MYO9A: variants seen among roughly 807,000 people sequenced by gnomAD.
MYO9A encodes the protein unconventional myosin-IXa.
A neutral mutation model predicts 293.3 loss-of-function variants in MYO9A; 103 were observed. The ratio of observed to expected loss-of-function variants is 0.35; its 90% CI spans 0.30 to 0.41. The LOEUF (loss-of-function observed/expected upper bound fraction) is 0.41. Among genes scored for constraint, MYO9A ranks in the 10% least tolerant of loss-of-function variants. The pLI, the probability that MYO9A is intolerant of heterozygous loss-of-function variation, is 1.00. For synonymous variants in MYO9A, 1,001 were observed against 1,035.7 expected, an observed-to-expected ratio of 0.97 and a Z score of 0.64; for missense variants, 2,685 against 3,033.0, an observed-to-expected ratio of 0.89 and a Z score of 2.69.
intron 39 of MYO9A, among the ~76,000 whole-genome samples, chr15:71,846,960 C>T (rs1311963375): frequency 1.3e-5 from 2 of 152,108 alleles, no homozygotes; most frequent in South Asian, 2.1e-4. Context: ...AGGACACCAT[C>T]GGAGTCACAG....
chr15:72,073,160 A>C (rs1231458223), intron 1 of MYO9A, among the ~76,000 whole-genome samples: 2 of 152,220 alleles, frequency 1.3e-5, no homozygotes, highest in Non-Finnish European at 2.9e-5. Context: ...GCTGAAACTA[A>C]GCCATTACTT....
rs372671862 is a variant in MYO9A, at chr15:71,852,275, G to C, written c.6347-15C>G. 19 of 1,585,468 alleles carry C rather than the reference G, an allele frequency of 1.2e-5. No individual in the cohort carries two copies. Among genetic ancestry groups the C allele is most frequent in the Non-Finnish European group, 1.6e-5 (19 of 1,160,280 alleles). On this transcript the variant is annotated splice_polypyrimidine_tract_variant and intron_variant, in intron 35 of 41. Coordinates refer to ENST00000356056, the MANE Select transcript of MYO9A (RefSeq NM_006901.4). ...ACTCTCAGCATCTATTTAGAGACAAGAGTTAGATTAACAGAGCCAAAACAT... is the reference window on the plus strand; with the variant it reads ...ACTCTCAGCATCTATTTAGAGACAACAGTTAGATTAACAGAGCCAAAACAT...
At chr15:72,066,676 A>T (rs947018096) in intron 1 of MYO9A, among the ~76,000 whole-genome samples, 3 of 152,116 alleles carry the variant, frequency 2.0e-5, no homozygotes, top group African/African-American at 7.2e-5. Flanking sequence ...AAGTTTTATA[A>T]ACATTCTATA....
intron 14 of MYO9A, among the ~76,000 whole-genome samples, chr15:71,957,485 C>G (rs1282744848): frequency 6.7e-6 from 1 of 148,154 alleles, no homozygotes; most frequent in East Asian, 2.0e-4. Flanking sequence ...AAAAAAAGTC[C>G]TTTTTTTTTT....
intron 1 of MYO9A, among the ~76,000 whole-genome samples, chr15:72,103,453 CAGA>C (rs201309135): frequency 0.015 from 2,153 of 146,050 alleles, 74 homozygotes; most frequent in African/African-American, 0.052. Flanking sequence ...GAAGCAGCAG[CAGA>C]AGAAGAAGCA....
intron 12 of MYO9A, among the ~76,000 whole-genome samples, chr15:71,969,412 C>T (rs1412352305): frequency 6.6e-6 from 1 of 152,188 alleles, no homozygotes; most frequent in African/African-American, 2.4e-5. Flanking sequence ...TTCAAGTCAC[C>T]AAAGCATATT....
chr15:72,063,303 A>T (rs1234813695), intron 1 of MYO9A, among the ~76,000 whole-genome samples: 1 of 152,236 alleles, frequency 6.6e-6, no homozygotes, highest in Non-Finnish European at 1.5e-5. Flanking sequence ...CCACTGAAAG[A>T]AAACATTGGA....
chr15:72,061,764 C>T (rs1430133641), intron 1 of MYO9A, among the ~76,000 whole-genome samples: 1 of 152,188 alleles, frequency 6.6e-6, no homozygotes, highest in South Asian at 2.1e-4. Flanking sequence ...CAGAAGGGAA[C>T]CTATCTCCCT....
At chr15:72,020,891 T>G in intron 5 of MYO9A, 27 bp downstream of exon 5, 1 of 1,407,188 alleles carries the variant, frequency 7.1e-7, no homozygotes, top group Non-Finnish European at 9.5e-7. Flanking sequence ...TGCCCTATAC[T>G]TCAAAATGCT....
chr15:72,118,262 T>A (rs915757356), upstream of MYO9A: 1 of 310,862 alleles, frequency 3.2e-6, no homozygotes, highest in Non-Finnish European at 5.9e-6. Context: ...ACGCCCCCTT[T>A]CCTACGCCCC....
intron 41 of MYO9A, 57 bp downstream of exon 41, chr15:71,827,817 GTTTTGGAATC>G: frequency 6.7e-7 from 1 of 1,503,028 alleles, no homozygotes; most frequent in Non-Finnish European, 9.0e-7. Flanking sequence ...CTTTGTCTTA[GTTTTGGAATC>G]TTTATTCCTC....
At chr15:72,017,352 T>C (rs1298581548) in intron 6 of MYO9A, among the ~76,000 whole-genome samples, 4 of 152,142 alleles carry the variant, frequency 2.6e-5, no homozygotes. Context: ...CTCTGAAAAG[T>C]AGCAGATCAG....
At chr15:72,038,042 C>T (rs894262537) in intron 2 of MYO9A, among the ~76,000 whole-genome samples, 33 of 151,848 alleles carry the variant, frequency 2.2e-4, no homozygotes, top group African/African-American at 8.0e-4. Flanking sequence ...AGCCTTCCAA[C>T]AGTAGCTGGG....
chr15:71,851,642 T>TA (rs1457133143), intron 36 of MYO9A, among the ~76,000 whole-genome samples: 1 of 152,184 alleles, frequency 6.6e-6, no homozygotes, highest in Non-Finnish European at 1.5e-5. Context: ...CAGATTGATT[T>TA]ACCATTAAAG....
At chr15:72,005,543 A>G (rs1378943585) in intron 8 of MYO9A, among the ~76,000 whole-genome samples, 1 of 152,168 alleles carries the variant, frequency 6.6e-6, no homozygotes, top group Non-Finnish European at 1.5e-5. Context: ...ATGATCTTCA[A>G]AATTACAACC....
At chr15:71,902,840 C>A (rs2057523371) in intron 22 of MYO9A, 101 bp downstream of exon 22, 8 of 953,162 alleles carry the variant, frequency 8.4e-6, no homozygotes, top group Non-Finnish European at 8.8e-6. Flanking sequence ...CTTCTGATAT[C>A]TGATTCACTA....
At chr15:71,940,207 C>T (rs1367231926) in intron 15 of MYO9A, among the ~76,000 whole-genome samples, 1 of 152,016 alleles carries the variant, frequency 6.6e-6, no homozygotes, top group Non-Finnish European at 1.5e-5. Context: ...TTAAATCATG[C>T]AAATGGGCCA....
At chr15:72,091,428 C>T (rs914241061) in intron 1 of MYO9A, among the ~76,000 whole-genome samples, 2 of 152,092 alleles carry the variant, frequency 1.3e-5, no homozygotes, top group African/African-American at 4.8e-5. Flanking sequence ...GACATTTCCA[C>T]ATGGCTAAAA....
At chr15:71,961,289 A>G (rs913409945) in intron 13 of MYO9A, among the ~76,000 whole-genome samples, 3 of 152,202 alleles carry the variant, frequency 2.0e-5, no homozygotes, top group Non-Finnish European at 4.4e-5. Flanking sequence ...AATCAGGTTA[A>G]AACTTACATT....
Sources: gnomAD v4.1 joint callset for allele counts (sites outside exome capture counted in the v4.1 genomes callset) on GRCh38, gnomAD v4.1.1 for gene constraint, MANE v1.5 for transcripts, NCBI Gene and HGNC (gene_info 2026-07-23, HGNC 2026-07-21) for gene names.